The following SPECC1L variants were observed in gnomAD, a reference collection of about 807,000 sequenced individuals.
SPECC1L encodes sperm antigen with calponin homology and coiled-coil domains 1 like.
A neutral mutation model predicts 116.8 loss-of-function variants in SPECC1L; 40 were observed. The observed-to-expected ratio is 0.34, with a 90% CI of 0.27 to 0.45. The LOEUF (loss-of-function observed/expected upper bound fraction) is 0.45, where lower values mean the gene tolerates loss of function less well. Among genes scored for constraint, SPECC1L ranks in the 20% least tolerant of loss-of-function variants. The pLI, the probability that SPECC1L is intolerant of heterozygous loss-of-function variation, is 1.00. For synonymous variants in SPECC1L, 504 were observed against 500.6 expected (o/e 1.01, Z -0.09); for missense variants, 1,110 against 1,373.6 (o/e 0.81, Z 3.03).
At chr22:24,288,113 T>A (rs2146357035) in intron 2 of SPECC1L, among the ~76,000 whole-genome samples, 1 of 152,328 alleles carries the variant, frequency 6.6e-6, no homozygotes, top group Non-Finnish European at 1.5e-5. Context: ...GAACTGTGGC[T>A]TTCTCAGCAG....
chr22:24,306,377 A>AT (rs1211067327), intron 3 of SPECC1L, among the ~76,000 whole-genome samples: 2 of 150,084 alleles, frequency 1.3e-5, no homozygotes. Flanking sequence ...TTTAATTTTA[A>AT]TTTTTTAATT....
chr22:24,356,613 A>G (rs2041538469), intron 11 of SPECC1L, among the ~76,000 whole-genome samples: 1 of 151,890 alleles, frequency 6.6e-6, no homozygotes, highest in Admixed American at 6.5e-5. Context: ...ATTCATTCTG[A>G]CATTTTGTCT....
chr22:24,336,932 A>G (rs543242091), intron 9 of SPECC1L, among the ~76,000 whole-genome samples: 74 of 152,350 alleles, frequency 4.9e-4, no homozygotes, highest in African/African-American at 1.3e-3. Flanking sequence ...CAACATAGCC[A>G]TTTATTATAA....
intron 4 of SPECC1L, among the ~76,000 whole-genome samples, chr22:24,319,206 A>G (rs2040668313): frequency 6.6e-6 from 1 of 152,210 alleles, no homozygotes; most frequent in Non-Finnish European, 1.5e-5. Context: ...TTCATAAAGA[A>G]AAGAGGTTTA....
intron 14 of SPECC1L, among the ~76,000 whole-genome samples, chr22:24,376,308 A>T (rs5760379): frequency 0.17 from 25,676 of 152,156 alleles, 2,680 homozygotes; most frequent in Admixed American, 0.23. Context: ...CTACAGGTGT[A>T]GGCCATCACA....
intron 11 of SPECC1L, among the ~76,000 whole-genome samples, chr22:24,357,006 T>C (rs966576353): frequency 1.3e-5 from 2 of 150,908 alleles, no homozygotes; most frequent in East Asian, 4.0e-4. Flanking sequence ...ATGCCTCTAA[T>C]TTTTGGTTGT....
rs1412508758 is a variant in SPECC1L, at chr22:24,388,717, GTAAA to G, written c.3087+19402_3087+19405del. On this transcript the variant is annotated intron_variant, in intron 14 of 16. Transcript: ENST00000314328. ...TCACATCTGCAAACTCTCTTGCCAT[GTAAA>G]TAAACATGTTCATAAGTTCCAGAGA... 3.3e-5 allele frequency among the ~76,000 whole-genome samples: 5 copies of G among 152,298 alleles called. No individual in the cohort carries two copies. In the East Asian group the frequency reaches 9.6e-4, roughly 29 times the overall value.
At chr22:24,386,747 G>A (rs1357441313) in intron 14 of SPECC1L, among the ~76,000 whole-genome samples, 1 of 151,982 alleles carries the variant, frequency 6.6e-6, no homozygotes, top group African/African-American at 2.4e-5. Context: ...GGGACTACAG[G>A]CGCCCGCCAC....
At chr22:24,277,598 C>T (rs1452069054) in intron 2 of SPECC1L, among the ~76,000 whole-genome samples, 1 of 152,186 alleles carries the variant, frequency 6.6e-6, no homozygotes, top group African/African-American at 2.4e-5. Flanking sequence ...TTTGCCTAGT[C>T]TAGGTATTTT....
chr22:24,341,766 C>G (rs754955011), intron 10 of SPECC1L, among the ~76,000 whole-genome samples: 36 of 152,342 alleles, frequency 2.4e-4, no homozygotes, highest in Non-Finnish European at 4.0e-4. Context: ...AGCTTTGCTT[C>G]TGCCTTGAAT....
chr22:24,369,131 C>T lies in SPECC1L; in HGVS notation c.2985-87C>T, dbSNP rs536751378. ...GTATTGCCTTACCATGTATATTTCCCCTGTTTAAAAATGCAAACTTTAATA... is the reference window on the plus strand; with the variant it reads ...GTATTGCCTTACCATGTATATTTCCTCTGTTTAAAAATGCAAACTTTAATA... On this transcript the variant is annotated intron_variant, in intron 13 of 16. Coordinates refer to ENST00000314328, the MANE Select transcript of SPECC1L (RefSeq NM_015330.6). 1.7e-5 allele frequency: 15 copies of T among 907,842 alleles called. No homozygotes were observed. The African/African-American group carries it at 2.4e-4, about 15-fold the overall frequency. 56.2% of individuals were successfully genotyped at this position (907,842 alleles called of 1,614,324 possible).
intron 14 of SPECC1L, among the ~76,000 whole-genome samples, chr22:24,382,797 G>C (rs2042086959): frequency 1.3e-5 from 2 of 151,676 alleles, no homozygotes; most frequent in African/African-American, 4.9e-5. Flanking sequence ...GAGGCAGGAG[G>C]ATTGCTTGAG....
intron 2 of SPECC1L, among the ~76,000 whole-genome samples, chr22:24,290,840 A>G (rs1180204065): frequency 1.3e-5 from 2 of 152,266 alleles, no homozygotes; most frequent in African/African-American, 4.8e-5. Flanking sequence ...TGAAGAATAT[A>G]GGATCAATCC....
chr22:24,280,456 T>TA (rs893931795), intron 2 of SPECC1L, among the ~76,000 whole-genome samples: 1 of 151,740 alleles, frequency 6.6e-6, no homozygotes, highest in Non-Finnish European at 1.5e-5. Context: ...GGCCAGACAG[T>TA]AAATGTTTTA....
intron 5 of SPECC1L, 54 bp from the exon 6 acceptor site, chr22:24,324,166 G>T (rs997895011): frequency 1.4e-5 from 21 of 1,469,788 alleles, no homozygotes; most frequent in African/African-American, 4.2e-5. Context: ...ATTCTGGAAC[G>T]TACCTTAGAA....
At chr22:24,279,477 C>T (rs186413750) in intron 2 of SPECC1L, among the ~76,000 whole-genome samples, 27 of 152,318 alleles carry the variant, frequency 1.8e-4, no homozygotes, top group African/African-American at 6.3e-4. Flanking sequence ...GATCCCCTTG[C>T]CTCGGCCTCC....
intron 2 of SPECC1L, among the ~76,000 whole-genome samples, chr22:24,298,153 A>G (rs2049304109): frequency 6.6e-6 from 1 of 152,136 alleles, no homozygotes; most frequent in Non-Finnish European, 1.5e-5. Context: ...TCAATACTTT[A>G]TTATAAAATA....
chr22:24,324,430 A>G lies in SPECC1L; in HGVS notation c.2146+3A>G. 1.2e-6 allele frequency: 2 copies of G among 1,609,782 alleles called. No individual in the cohort carries two copies. Among genetic ancestry groups the G allele is most frequent in the Non-Finnish European group, 1.7e-6 (2 of 1,176,106 alleles). On this transcript the variant is annotated splice_donor_region_variant and intron_variant, in intron 6 of 16. Transcript: ENST00000314328. ...CCTCATTATTTCTGATCTAGAGAGT[A>G]AGTGATAAGAACTTTTCATTCTTTT... is the stretch of plus-strand genomic sequence containing the variant.
intron 14 of SPECC1L, among the ~76,000 whole-genome samples, chr22:24,383,832 T>C (rs1247287738): frequency 9.6e-6 from 1 of 104,376 alleles, no homozygotes; most frequent in Admixed American, 1.1e-4. Flanking sequence ...TTTTTTTTTT[T>C]AGTAGAGATG....
Sources: allele counts gnomAD v4.1 joint callset (sites outside exome capture counted in the v4.1 genomes callset), GRCh38; gene constraint gnomAD v4.1.1; transcripts MANE v1.5; gene names NCBI Gene and HGNC (gene_info 2026-07-23, HGNC 2026-07-21).